CCDC148: variants seen among roughly 807,000 people sequenced by gnomAD.
The protein encoded by CCDC148 is coiled-coil domain containing 148, also known as coiled-coil domain-containing protein 148.
In CCDC148, 89 loss-of-function variants were observed where a neutral mutation model predicts 85.7. The observed-to-expected ratio is 1.04, with a 90% CI of 0.87 to 1.24. The LOEUF (loss-of-function observed/expected upper bound fraction) is 1.24, where lower values mean the gene tolerates loss of function less well. Ranked by LOEUF, CCDC148 falls within the 50% of genes most tolerant of loss-of-function variation. The probability of loss-of-function intolerance (pLI) is 0.00; values close to 1 mark genes in which losing one functional copy is unlikely to be tolerated. For synonymous variants in CCDC148, 230 were observed against 213.9 expected (o/e 1.08, Z -0.66); for missense variants, 692 against 671.7 (o/e 1.03, Z -0.33).
chr2:158,433,900 C>T (rs10194148), intron 1 of CCDC148, among the ~76,000 whole-genome samples: 7,105 of 152,258 alleles, frequency 0.047, 287 homozygotes, highest in African/African-American at 0.11. Flanking sequence ...GAGATCGAAC[C>T]GCAAGGCGGC....
chr2:158,352,481 G>A (rs1005338119), intron 2 of CCDC148, among the ~76,000 whole-genome samples: 13 of 152,100 alleles, frequency 8.5e-5, no homozygotes, highest in African/African-American at 2.2e-4. Context: ...TATCAGCAAC[G>A]GAAGATGAAA....
At chr2:158,287,862 C>T (rs998389784) in intron 9 of CCDC148, among the ~76,000 whole-genome samples, 3 of 152,194 alleles carry the variant, frequency 2.0e-5, no homozygotes, top group Non-Finnish European at 4.4e-5. Flanking sequence ...CGCCACATTT[C>T]TCTTCTGTAC....
At chr2:158,226,960 A>G (rs182001415) in intron 10 of CCDC148, among the ~76,000 whole-genome samples, 141 of 152,036 alleles carry the variant, frequency 9.3e-4, no homozygotes, top group Non-Finnish European at 1.6e-3. Context: ...GACAAGGGCA[A>G]TCAGGCAGGA....
intron 10 of CCDC148, among the ~76,000 whole-genome samples, chr2:158,224,040 C>T (rs1368634394): frequency 6.6e-5 from 10 of 152,128 alleles, no homozygotes; most frequent in African/African-American, 2.4e-4. Context: ...GGAGGAAGTT[C>T]GAACCATGGC....
intron 11 of CCDC148, among the ~76,000 whole-genome samples, chr2:158,193,393 G>A (rs1685508775): frequency 6.6e-6 from 1 of 152,102 alleles, no homozygotes; most frequent in African/African-American, 2.4e-5. Flanking sequence ...TTCTGAGACT[G>A]CTCCAACATA....
intron 1 of CCDC148, among the ~76,000 whole-genome samples, chr2:158,443,515 A>AAAAGAAAGAAAAG (rs748433493): frequency 5.9e-5 from 6 of 100,896 alleles, no homozygotes; most frequent in Non-Finnish European, 1.0e-4. Context: ...AAAAAAAAAA[A>AAAAGAAAGAAAAG]AAAAAAAAGA....
At chr2:158,385,200 A>C (rs1574731411) in intron 1 of CCDC148, among the ~76,000 whole-genome samples, 1 of 152,268 alleles carries the variant, frequency 6.6e-6, no homozygotes, top group East Asian at 1.9e-4. Flanking sequence ...TTGTGACAAG[A>C]TCAGGCTTAC....
In CCDC148 at chr2:158,228,138, G is replaced by C. The variant is rs1296062679; in HGVS notation, c.1252-7425C>G. ...AAAAAACAAACAACCCCATCAAAAA[G>C]TGGGCAAAAGATATGAACAGACACT... On this transcript the variant is annotated intron_variant, in intron 10 of 13. Coordinates refer to ENST00000283233, the MANE Select transcript of CCDC148 (RefSeq NM_138803.4). 2.6e-5 allele frequency among the ~76,000 whole-genome samples: 4 copies of C among 152,220 alleles called. No homozygotes were observed. The East Asian group carries it at 5.8e-4, about 22-fold the overall frequency.
At chr2:158,333,087 T>C (rs1457388320) in intron 7 of CCDC148, among the ~76,000 whole-genome samples, 1 of 152,188 alleles carries the variant, frequency 6.6e-6, no homozygotes, top group Non-Finnish European at 1.5e-5. Context: ...TTTGAATGTG[T>C]TTGCTCTTGC....
rs34273946 is a variant in CCDC148 at position 158,210,787 on chromosome 2, CAAAAAAA to C, written c.1370+9801_1370+9807del. On this transcript the variant is annotated intron_variant, in intron 11 of 13. Transcript: ENST00000283233. ...TGAAACCGTGTCTCTACTAAAAATA[CAAAAAAA>C]AAAAAAAAAAAAAAATTAGCCGGGC... Among the ~76,000 whole-genome samples the C allele has an allele frequency of 7.7e-4, 69 of 89,452 alleles. 1 individual carries two copies. Among genetic ancestry groups the C allele is most frequent in the Middle Eastern group, 8.8e-3 (1 of 114 alleles). 58.7% of individuals were successfully genotyped at this position (89,452 alleles called of 152,430 possible). A position where few individuals can be genotyped will look rare whatever the true frequency, so the allele number is the denominator to read the frequency against.
chr2:158,321,594 T>A (rs527998461), intron 7 of CCDC148, among the ~76,000 whole-genome samples: 5 of 152,324 alleles, frequency 3.3e-5, no homozygotes, highest in African/African-American at 1.2e-4. Context: ...TAACTTGTTG[T>A]CACCTCATCA....
At chr2:158,260,190 A>G (rs1297921203) in intron 9 of CCDC148, among the ~76,000 whole-genome samples, 2 of 151,970 alleles carry the variant, frequency 1.3e-5, no homozygotes, top group Non-Finnish European at 2.9e-5. Context: ...CAGATACTCA[A>G]TGAATATTCC....
chr2:158,356,981 A>T (rs928598301), intron 2 of CCDC148, among the ~76,000 whole-genome samples: 3 of 150,226 alleles, frequency 2.0e-5, no homozygotes, highest in Non-Finnish European at 4.4e-5. Context: ...TATCGCAAGA[A>T]CAAAAAACCA....
At chr2:158,312,578 C>CAAAAAAA (rs61545122) in intron 8 of CCDC148, among the ~76,000 whole-genome samples, 5 of 76,104 alleles carry the variant, frequency 6.6e-5, no homozygotes, top group South Asian at 5.6e-4. Context: ...GAATCCATCT[C>CAAAAAAA]AAAAAAAAAA....
chr2:158,438,256 G>T (rs1337580262), intron 1 of CCDC148, among the ~76,000 whole-genome samples: 1 of 152,052 alleles, frequency 6.6e-6, no homozygotes, highest in East Asian at 1.9e-4. Context: ...AAAATAGCAT[G>T]GTACTGGTAC....
At chr2:158,297,275 G>C (rs983176496) in intron 9 of CCDC148, among the ~76,000 whole-genome samples, 4 of 152,190 alleles carry the variant, frequency 2.6e-5, no homozygotes, top group African/African-American at 9.7e-5. Flanking sequence ...GCAACTTGCT[G>C]TATCTCCTGA....
chr2:158,177,283 C>A (rs1396297546), intron 12 of CCDC148, among the ~76,000 whole-genome samples: 1 of 151,874 alleles, frequency 6.6e-6, no homozygotes, highest in African/African-American at 2.4e-5. Context: ...ATAATTCAAA[C>A]CTGCATCTTA....
chr2:158,265,152 T>C (rs1031140774), intron 9 of CCDC148, among the ~76,000 whole-genome samples: 5 of 152,128 alleles, frequency 3.3e-5, no homozygotes, highest in African/African-American at 7.2e-5. Flanking sequence ...ATAGAACATA[T>C]AAAGCATGAT....
At chr2:158,309,838 A>G (rs1229772518) in intron 8 of CCDC148, among the ~76,000 whole-genome samples, 199 bp from the exon 9 acceptor site, 4 of 152,258 alleles carry the variant, frequency 2.6e-5, no homozygotes, top group African/African-American at 9.6e-5. Flanking sequence ...TTGGTGACTG[A>G]GGACAAGTCA....
Sources: gnomAD v4.1 joint callset for allele counts (sites outside exome capture counted in the v4.1 genomes callset) on GRCh38, gnomAD v4.1.1 for gene constraint, MANE v1.5 for transcripts, NCBI Gene and HGNC (gene_info 2026-07-23, HGNC 2026-07-21) for gene names.